Variants in CDKAL1 observed in about 807,000 individuals in gnomAD.
The protein encoded by CDKAL1 is CDKAL1 threonylcarbamoyladenosine tRNA methylthiotransferase.
Under a neutral mutation model 68.2 loss-of-function variants are expected in CDKAL1, and 32 were observed. That is an observed-to-expected ratio of 0.47 (90% CI 0.35 to 0.63). CDKAL1 has a LOEUF of 0.63. CDKAL1 is among the 30% of genes least tolerant of loss of function. CDKAL1 has a pLI of 0.00. For synonymous variants in CDKAL1, 234 were observed against 244.3 expected (o/e 0.96, Z 0.39); for missense variants, 606 against 696.7 (o/e 0.87, Z 1.47).
At chr6:20,991,383 A>G (rs1766786860) in intron 10 of CDKAL1, among the ~76,000 whole-genome samples, 1 of 152,142 alleles carries the variant, frequency 6.6e-6, no homozygotes, top group African/African-American at 2.4e-5. Flanking sequence ...ACTTAATGTC[A>G]CTGAACTGTA....
intron 10 of CDKAL1, among the ~76,000 whole-genome samples, chr6:20,965,898 A>G (rs1459540975): frequency 6.6e-6 from 1 of 152,214 alleles, no homozygotes; most frequent in East Asian, 1.9e-4. Flanking sequence ...AGCACAGAGA[A>G]TGGCTAACAC....
chr6:20,989,272 C>A (rs1186451763), intron 10 of CDKAL1, among the ~76,000 whole-genome samples: 1 of 152,148 alleles, frequency 6.6e-6, no homozygotes, highest in Non-Finnish European at 1.5e-5. Context: ...TTATAGAATG[C>A]AGAGGAGATT....
chr6:21,010,674 C>T (rs1038990961), intron 11 of CDKAL1, among the ~76,000 whole-genome samples: 4 of 152,136 alleles, frequency 2.6e-5, no homozygotes, highest in East Asian at 1.9e-4. Flanking sequence ...ATGTTCTAGT[C>T]GACTTTGCAG....
rs576382998 is a variant in CDKAL1 at position 20,631,739 on chromosome 6, C to T, written c.287-17554C>T. Among the ~76,000 whole-genome samples, 142 of 152,240 alleles carry T rather than the reference C, an allele frequency of 9.3e-4. 1 individual carries two copies. Among genetic ancestry groups the T allele is most frequent in the African/African-American group, 3.1e-3 (127 of 41,544 alleles). On this transcript the variant is annotated intron_variant, in intron 4 of 15. Coordinates refer to ENST00000274695, the MANE Select transcript of CDKAL1 (RefSeq NM_017774.3). The stretch of plus-strand genomic sequence containing the variant: ...AGTCACTTCTCTGAGTCAGCCCTTC[C>T]GGATGAACCAGTCAGATGTTACAGG...
intron 4 of CDKAL1, among the ~76,000 whole-genome samples, chr6:20,629,482 A>G (rs769081765): frequency 6.6e-6 from 1 of 152,080 alleles, no homozygotes; most frequent in Admixed American, 6.5e-5. Flanking sequence ...TTCCTCTTCA[A>G]ACTTTCACCC....
At chr6:20,995,666 CATTT>C (rs1767065007) in intron 10 of CDKAL1, among the ~76,000 whole-genome samples, 2 of 152,260 alleles carry the variant, frequency 1.3e-5, no homozygotes, top group South Asian at 2.1e-4. Flanking sequence ...TTTGGTGTTC[CATTT>C]ATAGAGTACA....
chr6:20,699,699 C>T lies in CDKAL1; in HGVS notation c.372-39820C>T, dbSNP rs182567373. Reference sequence around the variant, plus strand: ...TGCATAACTTAGGAGAATAAAAGCTCGTCAAGCCGGAGCTCTCAATCTCTG... The same window carrying T: ...TGCATAACTTAGGAGAATAAAAGCTTGTCAAGCCGGAGCTCTCAATCTCTG... On this transcript the variant is annotated intron_variant, in intron 5 of 15. Coordinates refer to ENST00000274695, the MANE Select transcript of CDKAL1 (RefSeq NM_017774.3). Among the ~76,000 whole-genome samples the T allele has an allele frequency of 2.4e-3, 372 of 152,214 alleles. 7 individuals are homozygous for T. The highest frequency in any genetic ancestry group is 0.021 in the Admixed American group (324 of 15,286).
chr6:20,871,368 T>G lies in CDKAL1; in HGVS notation c.742+25190T>G, dbSNP rs367685663. 1.1e-4 allele frequency among the ~76,000 whole-genome samples: 16 copies of G among 152,334 alleles called. No individual in the cohort carries two copies. The East Asian group carries it at 3.1e-3, about 29-fold the overall frequency. On this transcript the variant is annotated intron_variant, in intron 9 of 15. Transcript: ENST00000274695. ...ATATGATATGCAAATTTTTATAATT[T>G]CTCATGGGTGAAATCACAGCCACTA...
chr6:21,121,655 T>A (rs1362281916), intron 13 of CDKAL1, among the ~76,000 whole-genome samples: 1 of 152,198 alleles, frequency 6.6e-6, no homozygotes, highest in East Asian at 1.9e-4. Context: ...GTTTCTAGAA[T>A]GTCAGCTGTA....
At chr6:20,794,121 C>T (rs1418169082) in intron 8 of CDKAL1, among the ~76,000 whole-genome samples, 1 of 151,672 alleles carries the variant, frequency 6.6e-6, no homozygotes, top group African/African-American at 2.4e-5. Flanking sequence ...TTTTTAAAAT[C>T]CTTCTTTAAA....
At chr6:21,103,909 T>G (rs1317435530) in intron 12 of CDKAL1, among the ~76,000 whole-genome samples, 1 of 152,236 alleles carries the variant, frequency 6.6e-6, no homozygotes, top group Non-Finnish European at 1.5e-5. Flanking sequence ...AAATACCTAA[T>G]TATTCCATTT....
At chr6:20,633,112 TAC>T (rs1767746854) in intron 4 of CDKAL1, among the ~76,000 whole-genome samples, 2 of 152,238 alleles carry the variant, frequency 1.3e-5, no homozygotes, top group African/African-American at 4.8e-5. Flanking sequence ...TCATTTGAAA[TAC>T]ACAGTTTTCA....
chr6:20,954,369 A>C (rs1287900190), intron 9 of CDKAL1, among the ~76,000 whole-genome samples: 1 of 152,212 alleles, frequency 6.6e-6, no homozygotes, highest in African/African-American at 2.4e-5. Flanking sequence ...AAGGTAATTT[A>C]AAATTATAAT....
At chr6:20,807,275 G>A (rs1776611231) in intron 8 of CDKAL1, among the ~76,000 whole-genome samples, 1 of 151,902 alleles carries the variant, frequency 6.6e-6, no homozygotes, top group Non-Finnish European at 1.5e-5. Flanking sequence ...CCAGGCTGGA[G>A]TGCAGTGGCA....
intron 13 of CDKAL1, among the ~76,000 whole-genome samples, chr6:21,187,857 A>G (rs552961618): frequency 2.0e-5 from 3 of 152,310 alleles, no homozygotes; most frequent in South Asian, 2.1e-4. Context: ...CTGGTCACTT[A>G]TGTACCTTTT....
intron 4 of CDKAL1, among the ~76,000 whole-genome samples, chr6:20,609,243 CCTT>C (rs1192471970): frequency 3.2e-5 from 4 of 125,906 alleles, no homozygotes; most frequent in African/African-American, 1.0e-4. Flanking sequence ...CTTCTTCCTT[CCTT>C]CTTCTTCCTC....
In CDKAL1 at chr6:20,739,524, C is replaced by T. The variant is rs1773351174; in HGVS notation, c.377C>T (p.Ala126Val). 3 of 1,606,260 alleles carry T rather than the reference C, an allele frequency of 1.9e-6. No homozygotes were observed. The highest frequency in any genetic ancestry group is 2.6e-6 in the Non-Finnish European group (3 of 1,173,906). Residue 126 changes from alanine (A) to valine (V), a missense_variant, in exon 6 of 16, where the codon GCT becomes GTT. By Grantham distance (64) the Ala-to-Val change is moderately conservative (BLOSUM62 0). Transcript: ENST00000274695. ...EDHFRNSIKK[A>V]QEENKKIVLA... ...TCTTCTCTTCAATCTTTTAGAAAAG[C>T]TCAAGAGGAGAACAAGAAAATCGTA... is the stretch of plus-strand genomic sequence containing the variant.
intron 8 of CDKAL1, among the ~76,000 whole-genome samples, chr6:20,837,869 A>G (rs971957944): frequency 6.6e-6 from 1 of 151,482 alleles, no homozygotes; most frequent in Non-Finnish European, 1.5e-5. Context: ...AAAAACAAAA[A>G]CAACCTACAA....
In CDKAL1 at chr6:21,013,904, A is replaced by G. The variant is rs919772875; in HGVS notation, c.1055+13532A>G. Among the ~76,000 whole-genome samples, 4 of 152,202 alleles carry G rather than the reference A, an allele frequency of 2.6e-5. No homozygotes were observed. In the South Asian group the frequency reaches 8.3e-4, roughly 32 times the overall value. On this transcript the variant is annotated intron_variant, in intron 11 of 15. Coordinates refer to ENST00000274695, the MANE Select transcript of CDKAL1 (RefSeq NM_017774.3). Reference sequence around the variant, plus strand: ...ACTTTCTCACATTAAAAAAGAAAAGAAAAGCTTAAGATGCTTAAGATGTAG... The same window carrying G: ...ACTTTCTCACATTAAAAAAGAAAAGGAAAGCTTAAGATGCTTAAGATGTAG...
Sources: allele counts gnomAD v4.1 joint callset (sites outside exome capture counted in the v4.1 genomes callset), GRCh38; gene constraint gnomAD v4.1.1; transcripts MANE v1.5; gene names NCBI Gene and HGNC (gene_info 2026-07-23, HGNC 2026-07-21).